The following SHQ1 variants were observed in gnomAD, a reference collection of about 807,000 sequenced individuals.
SHQ1 encodes the protein protein SHQ1 homolog.
A neutral mutation model predicts 53.8 loss-of-function variants in SHQ1; 49 were observed. The observed-to-expected ratio is 0.91, with a 90% CI of 0.72 to 1.16. The LOEUF (loss-of-function observed/expected upper bound fraction) is 1.16, where lower values mean the gene tolerates loss of function less well. Among genes scored for constraint, SHQ1 ranks in the 50% most tolerant of loss-of-function variants. The probability of loss-of-function intolerance (pLI) is 0.00; values close to 1 mark genes in which losing one functional copy is unlikely to be tolerated. For synonymous variants in SHQ1, 243 were observed against 251.0 expected (o/e 0.97, Z 0.30); for missense variants, 738 against 683.1 (o/e 1.08, Z -0.90).
chr3:72,838,044 T>C (rs911048801), intron 4 of SHQ1, among the ~76,000 whole-genome samples: 1 of 152,258 alleles, frequency 6.6e-6, no homozygotes, highest in Non-Finnish European at 1.5e-5. Context: ...GGATTCACTC[T>C]TTCAGAGTTT....
intron 10 of SHQ1, among the ~76,000 whole-genome samples, chr3:72,761,275 A>G (rs1705603600): frequency 6.6e-6 from 1 of 152,050 alleles, no homozygotes; most frequent in African/African-American, 2.4e-5. Flanking sequence ...GTGTTCAAGC[A>G]ATCCTCCCAC....
rs749180489 is a variant in SHQ1, at chr3:72,815,418, G to A, written c.883-15C>T. ...GCAGATTCAACCTTTATTTGTTTTG[G>A]AGAAAAGAATACCATCACATTAGAG... On this transcript the variant is annotated splice_polypyrimidine_tract_variant and intron_variant, in intron 7 of 10. Transcript: ENST00000325599. 1.9e-6 allele frequency: 3 copies of A among 1,607,328 alleles called. No homozygotes were observed. Among genetic ancestry groups the A allele is most frequent in the Middle Eastern group, 1.7e-4 (1 of 6,002 alleles).
chr3:72,769,489 C>T (rs1705800968), intron 10 of SHQ1, among the ~76,000 whole-genome samples: 1 of 152,174 alleles, frequency 6.6e-6, no homozygotes, highest in South Asian at 2.1e-4. Context: ...ACCACTGCTT[C>T]CAGACCCAGA....
At chr3:72,804,582 G>GT (rs1193852467) in intron 9 of SHQ1, among the ~76,000 whole-genome samples, 3 of 152,122 alleles carry the variant, frequency 2.0e-5, no homozygotes, top group Non-Finnish European at 2.9e-5. Flanking sequence ...AAATATCCTT[G>GT]TAACTCTTCA....
At chr3:72,779,155 T>C (rs1356252613) in intron 10 of SHQ1, among the ~76,000 whole-genome samples, 1 of 152,232 alleles carries the variant, frequency 6.6e-6, no homozygotes, top group Non-Finnish European at 1.5e-5. Context: ...GTCTGGGCTC[T>C]GACTAAATCA....
intron 6 of SHQ1, among the ~76,000 whole-genome samples, chr3:72,820,057 G>C (rs897392115): frequency 6.6e-6 from 1 of 152,174 alleles, no homozygotes; most frequent in Non-Finnish European, 1.5e-5. Context: ...TTATATCCTA[G>C]TTGACTAATA....
At chr3:72,825,315 T>C (rs1004035071) in intron 5 of SHQ1, among the ~76,000 whole-genome samples, 6 of 149,112 alleles carry the variant, frequency 4.0e-5, no homozygotes, top group African/African-American at 1.2e-4. Flanking sequence ...AGCAGATGAG[T>C]AGGAAATTCA....
intron 10 of SHQ1, among the ~76,000 whole-genome samples, chr3:72,790,192 T>G (rs1353756341): frequency 1.3e-5 from 2 of 152,192 alleles, no homozygotes. Context: ...TTTGCAAATA[T>G]GCATTACAAG....
chr3:72,786,253 G>GC (rs1706227617), intron 10 of SHQ1, among the ~76,000 whole-genome samples: 1 of 152,094 alleles, frequency 6.6e-6, no homozygotes, highest in South Asian at 2.1e-4. Flanking sequence ...TCTGAGCTCT[G>GC]CCCCACCACA....
intron 10 of SHQ1, among the ~76,000 whole-genome samples, chr3:72,775,202 CAA>C (rs560741669): frequency 1.3e-5 from 2 of 151,736 alleles, no homozygotes; most frequent in East Asian, 3.9e-4. Flanking sequence ...AACAAAAAAA[CAA>C]AGAGAGAGAC....
the SHQ1 span, among the ~76,000 whole-genome samples, chr3:72,732,380 G>GCCTTCCTTCCTTCCTTCCTTCCTT: frequency 1.1e-4 from 11 of 95,698 alleles, no homozygotes; most frequent in African/African-American, 4.5e-4. Context: ...CTGCCTGCCT[G>GCCTTCCTTCCTTCCTTCCTTCCTT]CCTGCCTGCC....
intron 10 of SHQ1, among the ~76,000 whole-genome samples, chr3:72,770,891 T>C (rs928145242): frequency 1.3e-5 from 2 of 152,230 alleles, no homozygotes; most frequent in African/African-American, 2.4e-5. Flanking sequence ...ATTCACAAAC[T>C]GATGCCATCC....
chr3:72,764,354 G>T (rs1705673366), intron 10 of SHQ1, among the ~76,000 whole-genome samples: 1 of 152,086 alleles, frequency 6.6e-6, no homozygotes, highest in African/African-American at 2.4e-5. Context: ...GACTACTAAG[G>T]TTTGAAGTAT....
chr3:72,752,671 C>T (rs1206237548), intron 10 of SHQ1, among the ~76,000 whole-genome samples: 14 of 151,962 alleles, frequency 9.2e-5, no homozygotes, highest in African/African-American at 1.5e-4. Context: ...GGACTACAGG[C>T]GCGTACCACC....
At chr3:72,779,624 A>G (rs949731524) in intron 10 of SHQ1, among the ~76,000 whole-genome samples, 3 of 152,196 alleles carry the variant, frequency 2.0e-5, no homozygotes, top group Non-Finnish European at 4.4e-5. Context: ...AGGAACTCAT[A>G]AACTATTTGT....
intron 2 of SHQ1, among the ~76,000 whole-genome samples, 170 bp from the exon 3 acceptor site, chr3:72,842,572 T>C (rs1708207216): frequency 6.6e-6 from 1 of 151,224 alleles, no homozygotes; most frequent in Non-Finnish European, 1.5e-5. Context: ...CTACAGAAAA[T>C]AATAATAAAA....
At chr3:72,775,492 A>G (rs1705940594) in intron 10 of SHQ1, among the ~76,000 whole-genome samples, 1 of 146,960 alleles carries the variant, frequency 6.8e-6, no homozygotes, top group Non-Finnish European at 1.5e-5. Flanking sequence ...AATGCTACTG[A>G]AGGTTCAAGG....
At chr3:72,736,535 A>G in the SHQ1 span, among the ~76,000 whole-genome samples, 1 of 151,696 alleles carries the variant, frequency 6.6e-6, no homozygotes, top group Admixed American at 6.6e-5. Context: ...ACATGCCTGT[A>G]ATCCTAGCAC....
At chr3:72,794,507 G>A (rs1706541531) in intron 9 of SHQ1, 1 of 152,178 alleles carries the variant, frequency 6.6e-6, no homozygotes, top group South Asian at 2.1e-4. Flanking sequence ...AAATCCTGAT[G>A]ATTTTTCCTT....
Sources: gnomAD v4.1 joint callset for allele counts (sites outside exome capture counted in the v4.1 genomes callset) on GRCh38, gnomAD v4.1.1 for gene constraint, MANE v1.5 for transcripts, NCBI Gene and HGNC (gene_info 2026-07-23, HGNC 2026-07-21) for gene names.